Variants in FKBP4 observed in about 807,000 individuals in gnomAD.
FKBP4 encodes FKBP prolyl isomerase 4, also known as peptidyl-prolyl cis-trans isomerase FKBP4.
Under a neutral mutation model 54.1 loss-of-function variants are expected in FKBP4, and 28 were observed. The observed-to-expected ratio is 0.52, with a 90% CI of 0.38 to 0.71. The LOEUF (loss-of-function observed/expected upper bound fraction) is 0.71, where lower values mean the gene tolerates loss of function less well. Among genes scored for constraint, FKBP4 ranks in the 30% least tolerant of loss-of-function variants. The pLI is 0.00. For missense variants in FKBP4, 493 were observed against 574.4 expected (o/e 0.86, Z 1.45); for synonymous variants, 223 against 216.1 (o/e 1.03, Z -0.28).
rs750127588 is a variant in FKBP4, at chr12:2,795,182, T to C, written c.43T>C (p.Ser15Pro). 6 of 1,320,054 alleles carry C rather than the reference T, an allele frequency of 4.5e-6. No homozygotes were observed. The South Asian group carries it at 1.7e-4, about 37-fold the overall frequency. 81.8% of individuals were successfully genotyped at this position (1,320,054 alleles called of 1,614,324 possible). A position where few individuals can be genotyped will look rare whatever the true frequency, so the allele number is the denominator to read the frequency against. Reference sequence around the variant, plus strand: ...GAAGGCGACCGAGAGCGGGGCGCAGTCGGCGCCGCTGCCCATGGAGGGAGT... The same window carrying C: ...GAAGGCGACCGAGAGCGGGGCGCAGCCGGCGCCGCTGCCCATGGAGGGAGT... Reference protein sequence around the residue: ...EMKATESGAQSAPLPMEGVDI... With the variant: ...EMKATESGAQPAPLPMEGVDI... The change falls in exon 1 of 10, where the codon TCG becomes CCG. Residue 15 changes from serine to proline, a missense_variant. Physicochemically the swap from Ser to Pro is moderately conservative, Grantham distance 74 (BLOSUM62 -1). Coordinates refer to ENST00000001008, the MANE Select transcript of FKBP4 (RefSeq NM_002014.4). The surrounding 1 kb of genome is among the most constrained non-coding windows in gnomAD (Gnocchi z 4.3).
rs1341757514 is a variant in FKBP4 at position 2,797,191 on chromosome 12, C to A, written c.159C>A (p.Val53=). The change falls in exon 2 of 10, where the codon GTC becomes GTA. Residue 53 remains valine (V), a synonymous_variant. Transcript: ENST00000001008. ...AGATGCCCATGATTGGGGACCGAGT[C>A]TTTGTCCACTACACTGGCTGGCTAT... ...GTEMPMIGDR[V]FVHYTGWLLD... 1 of 1,613,770 alleles carries A rather than the reference C, an allele frequency of 6.2e-7. No homozygotes were observed. The highest frequency in any genetic ancestry group is 8.5e-7 in the Non-Finnish European group (1 of 1,179,866).
Position 2,796,792 on chromosome 12 carries a change from C to G in FKBP4, c.106-346C>G, listed in dbSNP as rs186434651. The G allele has an allele frequency of 3.0e-4, 324 of 1,081,012 alleles. 4 individuals are homozygous for G. The South Asian group carries it at 8.2e-3, about 27-fold the overall frequency. The allele number at this position is 1,081,012 out of a possible 1,614,324, so 67.0% of individuals were successfully genotyped here. On this transcript the variant is annotated intron_variant, in intron 1 of 9. Transcript: ENST00000001008. ...TAATAATCTATTATTCAACCTTTTA[C>G]TGGTCTAATCTTCCAACAACTGTAG...
chr12:2,797,684 A>G, intron 2 of FKBP4, 45 bp from the exon 3 acceptor site: 1 of 1,573,548 alleles, frequency 6.4e-7, no homozygotes, highest in East Asian at 2.3e-5. Flanking sequence ...TGAGCCCAGA[A>G]TCAGAACCCT....
At chr12:2,800,006 TG>T in intron 6 of FKBP4, 32 bp from the exon 7 acceptor site, 1 of 1,613,880 alleles carries the variant, frequency 6.2e-7, no homozygotes, top group Non-Finnish European at 8.5e-7. Flanking sequence ...CTGGGGTAGC[TG>T]ACAACTTTGT....
chr12:2,800,922 C>T (rs1437208674), intron 8 of FKBP4, among the ~76,000 whole-genome samples, 195 bp from the exon 9 acceptor site: 1 of 152,146 alleles, frequency 6.6e-6, no homozygotes, highest in African/African-American at 2.4e-5. Flanking sequence ...TGCTGTCTTC[C>T]CTCTCTGCCT....
chr12:2,801,421 C>T (rs1207272115), intron 9 of FKBP4, 65 bp downstream of exon 9: 7 of 1,599,790 alleles, frequency 4.4e-6, no homozygotes, highest in Admixed American at 3.4e-5. Flanking sequence ...ACTGTGGGCT[C>T]TTTGTGCCTT....
In FKBP4 at chr12:2,798,547, A is replaced by G. The variant is rs2097903091; in HGVS notation, c.394-159A>G. Among the ~76,000 whole-genome samples, 1 of 152,150 alleles carries G rather than the reference A, an allele frequency of 6.6e-6. No individual in the cohort carries two copies. The highest frequency in any genetic ancestry group is 2.1e-4 in the South Asian group (1 of 4,814). On this transcript the variant is annotated intron_variant, in intron 3 of 9. Transcript: ENST00000001008. The surrounding 1 kb of genome is among the most constrained non-coding windows in gnomAD (Gnocchi z 4.3). The stretch of plus-strand genomic sequence containing the variant: ...AAAGTTGAGATTAGGGCAGCTCCCA[A>G]GAACTGAAAAAAAGTGCCACTCTAC...
chr12:2,803,314 A>G lies in FKBP4; in HGVS notation c.*56A>G. ...GCCTGCCCCCCAGTCTCCCCACTCC[A>G]CCCTGTTAGTTTTGTAAAAACTGAA... On this transcript the variant is annotated 3_prime_UTR_variant, in exon 10 of 10. Transcript: ENST00000001008. 1 of 1,233,962 alleles carries G rather than the reference A, an allele frequency of 8.1e-7. No homozygotes were observed. The highest frequency in any genetic ancestry group is 1.1e-6 in the Non-Finnish European group (1 of 869,684). 76.4% of individuals were successfully genotyped at this position (1,233,962 alleles called of 1,614,324 possible). A position where few individuals can be genotyped will look rare whatever the true frequency, so the allele number is the denominator to read the frequency against.
chr12:2,800,587 C>G lies in FKBP4; in HGVS notation c.1032+10C>G. 1.3e-6 allele frequency: 2 copies of G among 1,592,162 alleles called. No individual in the cohort carries two copies. Among genetic ancestry groups the G allele is most frequent in the Non-Finnish European group, 1.7e-6 (2 of 1,171,020 alleles). ...TGAAAGCTGTAACAAGGTGAGGCCC[C>G]CTCAGAGGTCATGGAAGCAGCATTC... On this transcript the variant is annotated intron_variant, in intron 8 of 9. Transcript: ENST00000001008.
In FKBP4 at chr12:2,795,200, G is replaced by C; in HGVS notation, c.61G>C (p.Glu21Gln). 1 of 1,333,454 alleles carries C rather than the reference G, an allele frequency of 7.5e-7. No homozygotes were observed. The highest frequency in any genetic ancestry group is 9.7e-7 in the Non-Finnish European group (1 of 1,033,978). 82.6% of individuals were successfully genotyped at this position (1,333,454 alleles called of 1,614,324 possible). A position where few individuals can be genotyped will look rare whatever the true frequency, so the allele number is the denominator to read the frequency against. The change falls in exon 1 of 10, where the codon GAG (glutamate) becomes CAG (glutamine). Residue 21 changes from glutamate (E) to glutamine (Q), a missense_variant. Coordinates refer to ENST00000001008, the MANE Select transcript of FKBP4 (RefSeq NM_002014.4). The surrounding 1 kb of genome is among the most constrained non-coding windows in gnomAD (Gnocchi z 4.3). ...GGCGCAGTCGGCGCCGCTGCCCATG[G>C]AGGGAGTGGACATCAGCCCCAAACA... ...SGAQSAPLPMEGVDISPKQDE... is the reference protein window; with the variant it reads ...SGAQSAPLPMQGVDISPKQDE...
chr12:2,796,106 G>A (rs2097901680), intron 1 of FKBP4: 24 of 1,212,202 alleles, frequency 2.0e-5, no homozygotes, highest in Non-Finnish European at 2.1e-5. Flanking sequence ...CAGGTTCCAG[G>A]GAGAATCAGA....
At position 2,800,477 on chromosome 12, in the gene FKBP4, C is replaced by T. The variant is rs759178167; in HGVS notation, c.932C>T (p.Ala311Val). The part of the protein sequence containing the change: ...EYESSFSNEE[A>V]QKAQALRLAS... ...GAGTCTAGTTTTTCCAATGAGGAAG[C>T]ACAGAAAGCACAGGCCCTTCGACTG... The change falls in exon 8 of 10, where the codon GCA (alanine) becomes GTA (valine). Residue 311 changes from alanine to valine, a missense_variant. By Grantham distance (64) the Ala-to-Val change is moderately conservative. Coordinates refer to ENST00000001008, the MANE Select transcript of FKBP4 (RefSeq NM_002014.4). 2 of 1,614,152 alleles carry T rather than the reference C, an allele frequency of 1.2e-6. No individual in the cohort carries two copies. The highest frequency in any genetic ancestry group is 1.1e-5 in the South Asian group (1 of 91,088).
Position 2,801,550 on chromosome 12 carries a change from G to A in FKBP4, c.1272+194G>A, listed in dbSNP as rs2097904786. 3 of 773,774 alleles carry A rather than the reference G, an allele frequency of 3.9e-6. No individual in the cohort carries two copies. The African/African-American group carries it at 5.2e-5, about 13-fold the overall frequency. 47.9% of individuals were successfully genotyped at this position (773,774 alleles called of 1,614,324 possible). On this transcript the variant is annotated intron_variant, in intron 9 of 9. Coordinates refer to ENST00000001008, the MANE Select transcript of FKBP4 (RefSeq NM_002014.4). ...ATCAGTGCGGGAAACCTACCCACAA[G>A]CCCCAGAAGTTGGGTTGGTTGCCCT...
chr12:2,801,226 A>T lies in FKBP4; in HGVS notation c.1142A>T (p.Gln381Leu), dbSNP rs765115246. Residue 381 changes from glutamine (Q) to leucine (L), a missense_variant, in exon 9 of 10, where the codon CAG (glutamine) becomes CTG (leucine). By Grantham distance (113) the Gln-to-Leu change is moderately radical (BLOSUM62 -2). Transcript: ENST00000001008. Reference protein sequence around the residue: ...LARADFQKVLQLYPNNKAAKT... With the variant: ...LARADFQKVLLLYPNNKAAKT... ...CGGGCTGATTTCCAGAAGGTCCTGC[A>T]GCTCTACCCCAACAACAAAGCCGCC... The T allele has an allele frequency of 1.7e-5, 28 of 1,613,418 alleles. No homozygotes were observed. In the South Asian group the frequency reaches 3.1e-4, roughly 18 times the overall value.
At position 2,795,786 on chromosome 12, in the gene FKBP4, C is replaced by G. The variant is rs2097901434; in HGVS notation, c.105+542C>G. 1 of 191,466 alleles carries G rather than the reference C, an allele frequency of 5.2e-6. No homozygotes were observed. The highest frequency in any genetic ancestry group is 2.4e-5 in the African/African-American group (1 of 42,116). The allele number at this position is 191,466 out of a possible 1,614,324, so 11.9% of individuals were successfully genotyped here. ...CTTTCCTGGCCCTTCGGCCTTTGTG[C>G]GACGCAGGCGCGACAGGGTTCCGGC... is the stretch of plus-strand genomic sequence containing the variant. On this transcript the variant is annotated intron_variant, in intron 1 of 9. Coordinates refer to ENST00000001008, the MANE Select transcript of FKBP4 (RefSeq NM_002014.4). This position sits in a 1 kb window ranked among gnomAD's most constrained non-coding sequence, Gnocchi z 4.3.
intron 9 of FKBP4, chr12:2,801,604 G>A: frequency 1.7e-6 from 1 of 592,892 alleles, no homozygotes; most frequent in Non-Finnish European, 3.1e-6. Context: ...ATGTTTTCTT[G>A]TGGGCCAGGC....
chr12:2,796,209 G>A, intron 1 of FKBP4: 1 of 1,288,402 alleles, frequency 7.8e-7, no homozygotes, highest in South Asian at 1.2e-5. Flanking sequence ...CGCGTGTGCG[G>A]CACCCACCTC....
chr12:2,796,403 C>T, intron 1 of FKBP4: 1 of 1,287,904 alleles, frequency 7.8e-7, no homozygotes. Flanking sequence ...ATCATTCCTT[C>T]CCTTTTACCT....
chr12:2,802,155 G>A (rs2097905182), intron 9 of FKBP4, among the ~76,000 whole-genome samples: 3 of 151,146 alleles, frequency 2.0e-5, no homozygotes, highest in Non-Finnish European at 4.4e-5. Context: ...TTCTTTTTCT[G>A]AGACAGAGTT....
Sources: allele counts gnomAD v4.1 joint callset (sites outside exome capture counted in the v4.1 genomes callset), GRCh38; gene constraint gnomAD v4.1.1; non-coding constraint Gnocchi (gnomAD v3.1); transcripts MANE v1.5; gene names NCBI Gene and HGNC (gene_info 2026-07-23, HGNC 2026-07-21).